Variants in CHD1 observed in about 807,000 individuals in gnomAD.
CHD1 encodes the protein ATP-dependent chromatin remodeler CHD1.
A neutral mutation model predicts 224.2 loss-of-function variants in CHD1; 36 were observed. The observed-to-expected ratio is 0.16, with a 90% CI of 0.12 to 0.21. The LOEUF is 0.21. Among genes scored for constraint, CHD1 ranks in the 10% least tolerant of loss-of-function variants. The pLI is 1.00. For synonymous variants in CHD1, 668 were observed against 658.3 expected, an observed-to-expected ratio of 1.01 and a Z score of -0.23; for missense variants, 1,378 against 1,994.8, an observed-to-expected ratio of 0.69 and a Z score of 5.89.
rs375133804 is a variant in CHD1 at position 98,883,304 on chromosome 5, T to C, written c.2569-67A>G. The C allele has an allele frequency of 1.7e-5, 18 of 1,070,556 alleles. No homozygotes were observed. The South Asian group carries it at 3.2e-4, about 19-fold the overall frequency. 66.3% of individuals were successfully genotyped at this position (1,070,556 alleles called of 1,614,324 possible). A position where few individuals can be genotyped will look rare whatever the true frequency, so the allele number is the denominator to read the frequency against. On this transcript the variant is annotated intron_variant, in intron 18 of 35. Transcript: ENST00000614616. ...GATTTTCTGAACGTAAGCAGTATGG[T>C]ACTAATTAAACAGAAAGGCAGTTTT...
intron 2 of CHD1, among the ~76,000 whole-genome samples, chr5:98,918,357 G>T (rs1752879913): frequency 6.6e-6 from 1 of 151,602 alleles, no homozygotes; most frequent in African/African-American, 2.4e-5. Context: ...ACCGCGCCTG[G>T]CCAAAAACTT....
rs762395001 is a variant in CHD1, at chr5:98,856,705, TTCTC to T, written c.4804_4807del (p.Glu1602AsnfsTer21). 23 of 1,607,292 alleles carry T rather than the reference TTCTC, an allele frequency of 1.4e-5. No homozygotes were observed. Among genetic ancestry groups the T allele is most frequent in the East Asian group, 2.2e-5 (1 of 44,754 alleles). ...CCTGTGATCATCCAGTTTTCTGTGT[TTCTC>T]TCTGTCACTGTAATATCTAATAAAG... On this transcript the variant is annotated frameshift_variant, in exon 36 of 36. Transcript: ENST00000614616. LOFTEE classifies it high-confidence loss of function.
At chr5:98,861,052 TA>T (rs1748430533) in intron 32 of CHD1, among the ~76,000 whole-genome samples, 2 of 152,312 alleles carry the variant, frequency 1.3e-5, no homozygotes, top group South Asian at 2.1e-4. Context: ...ATTCTGGTCT[TA>T]ATTATATCAT....
chr5:98,881,226 T>C (rs916232231), intron 21 of CHD1, 53 bp downstream of exon 21: 1 of 1,322,130 alleles, frequency 7.6e-7, no homozygotes, highest in Middle Eastern at 2.6e-4. Flanking sequence ...TCCTGTCAAA[T>C]ATATGACACA....
intron 4 of CHD1, 144 bp from the exon 5 acceptor site, chr5:98,903,108 T>C (rs956485556): frequency 1.4e-5 from 7 of 505,500 alleles, no homozygotes; most frequent in African/African-American, 2.0e-5. Context: ...TTATTTATGT[T>C]AACTAGCTGA....
intron 26 of CHD1, among the ~76,000 whole-genome samples, chr5:98,873,293 C>CTG (rs112804898): frequency 7.2e-5 from 11 of 151,810 alleles, no homozygotes; most frequent in African/African-American, 2.4e-4. Context: ...ACATATTGTA[C>CTG]TGTGTGTGTG....
rs368846518 is a variant in CHD1, at chr5:98,881,966, A to G, written c.2867+9T>C. 3.9e-5 allele frequency: 63 copies of G among 1,608,054 alleles called. No homozygotes were observed. The highest frequency in any genetic ancestry group is 5.3e-5 in the Non-Finnish European group (63 of 1,177,644). On this transcript the variant is annotated intron_variant, in intron 20 of 35. Transcript: ENST00000614616. ...TAAAATGACATTTTTTTAATAATCA[A>G]GTAACCACCTTGATGGGGCAGAACC...
At chr5:98,882,865 G>T (rs763556838) in intron 19 of CHD1, among the ~76,000 whole-genome samples, 1 of 151,836 alleles carries the variant, frequency 6.6e-6, no homozygotes, top group Non-Finnish European at 1.5e-5. Flanking sequence ...ACTAGAATAC[G>T]GGATCAAAAC....
chr5:98,872,241 G>A (rs745571845), intron 27 of CHD1, 40 bp from the exon 28 acceptor site: 41 of 1,565,054 alleles, frequency 2.6e-5, no homozygotes, highest in Non-Finnish European at 3.4e-5. Flanking sequence ...GTTTGTAATT[G>A]CCTTAACTGA....
At chr5:98,893,630 T>C (rs1751160408) in intron 13 of CHD1, 24 bp from the exon 14 acceptor site, 2 of 1,448,750 alleles carry the variant, frequency 1.4e-6, no homozygotes, top group Non-Finnish European at 1.9e-6. Context: ...AAAAACAGTA[T>C]TTTGAGAGAA....
intron 24 of CHD1, among the ~76,000 whole-genome samples, chr5:98,876,067 G>GAGTC (rs531145198): frequency 8.5e-5 from 13 of 152,198 alleles, no homozygotes; most frequent in African/African-American, 2.9e-4. Context: ...GTAACTTTGG[G>GAGTC]AGTCATAAAC....
chr5:98,922,463 CAG>C (rs1753163684), intron 2 of CHD1, among the ~76,000 whole-genome samples: 1 of 151,982 alleles, frequency 6.6e-6, no homozygotes, highest in Admixed American at 6.6e-5. Flanking sequence ...GATCTCCAGA[CAG>C]AAAGAATAGT....
chr5:98,881,905 TG>T lies in CHD1; in HGVS notation c.2867+69del. 3 of 1,304,230 alleles carry T rather than the reference TG, an allele frequency of 2.3e-6. No homozygotes were observed. In the South Asian group the frequency reaches 3.9e-5, roughly 17 times the overall value. 80.8% of individuals were successfully genotyped at this position (1,304,230 alleles called of 1,614,324 possible). ...AATACATTTCCTCAATGATCTACAGTGATGTAACATATCAAAAATATGAGTT... is the reference window on the plus strand; with the variant it reads ...AATACATTTCCTCAATGATCTACAGTATGTAACATATCAAAAATATGAGTT... On this transcript the variant is annotated intron_variant, in intron 20 of 35. Coordinates refer to ENST00000614616, the MANE Select transcript of CHD1 (RefSeq NM_001270.4).
rs984388058 is a variant in CHD1 at position 98,928,597 on chromosome 5, G to A, written c.-207C>T. The A allele has an allele frequency of 2.0e-5, 3 of 152,124 alleles. No individual in the cohort carries two copies. Among genetic ancestry groups the A allele is most frequent in the Non-Finnish European group, 2.9e-5 (2 of 68,026 alleles). 9.4% of individuals were successfully genotyped at this position (152,124 alleles called of 1,614,324 possible). On this transcript the variant is annotated 5_prime_UTR_variant, in exon 1 of 36. Transcript: ENST00000614616. ...GGGTGGACGGCCTCCCCCGCGCCCA[G>A]GCCCGGGATCTCCGCCGCCCAGTCC...
chr5:98,856,762 G>A, intron 35 of CHD1, 37 bp from the exon 36 acceptor site: 10 of 1,265,402 alleles, frequency 7.9e-6, no homozygotes, highest in Middle Eastern at 2.0e-4. Flanking sequence ...GACAAATCAT[G>A]CAAATTAAAA....
chr5:98,879,112 T>C (rs1749978328), intron 23 of CHD1, among the ~76,000 whole-genome samples: 1 of 152,176 alleles, frequency 6.6e-6, no homozygotes, highest in Non-Finnish European at 1.5e-5. Flanking sequence ...GACACACCTG[T>C]AGTCCCAGCT....
intron 13 of CHD1, 35 bp downstream of exon 13, chr5:98,894,562 C>T (rs201512475): frequency 1.2e-6 from 1 of 843,934 alleles, no homozygotes; most frequent in Non-Finnish European, 1.8e-6. Flanking sequence ...AACTGATATA[C>T]AAGAGACCAA....
chr5:98,881,514 T>TTC, intron 20 of CHD1, 139 bp from the exon 21 acceptor site: 2 of 232,470 alleles, frequency 8.6e-6, no homozygotes, highest in East Asian at 1.4e-4. Flanking sequence ...TTAGAATCCT[T>TTC]TTTTTTTTTT....
At chr5:98,890,450 T>G (rs1211578407) in intron 15 of CHD1, among the ~76,000 whole-genome samples, 1 of 152,156 alleles carries the variant, frequency 6.6e-6, no homozygotes, top group African/African-American at 2.4e-5. Context: ...ATTATTAATT[T>G]CTCTAGAGGT....
Sources: allele counts gnomAD v4.1 joint callset (sites outside exome capture counted in the v4.1 genomes callset), GRCh38; gene constraint gnomAD v4.1.1; transcripts MANE v1.5; gene names NCBI Gene and HGNC (gene_info 2026-07-23, HGNC 2026-07-21).